HNRNPC: variants seen among roughly 807,000 people sequenced by gnomAD.
HNRNPC encodes the protein heterogeneous nuclear ribonucleoprotein C, also known as heterogeneous nuclear ribonucleoproteins C1/C2.
A neutral mutation model predicts 33.2 loss-of-function variants in HNRNPC; 3 were observed. That is an observed-to-expected ratio of 0.09 (90% CI 0.04 to 0.23). The LOEUF (loss-of-function observed/expected upper bound fraction) is 0.23. Ranked by LOEUF, HNRNPC falls within the 10% of genes least tolerant of loss-of-function variation. The pLI, the probability that HNRNPC is intolerant of heterozygous loss-of-function variation, is 1.00. For missense variants in HNRNPC, 143 were observed against 366.7 expected (o/e 0.39, Z 4.98); for synonymous variants, 121 against 126.7 (o/e 0.96, Z 0.30).
intron 5 of HNRNPC, among the ~76,000 whole-genome samples, chr14:21,226,727 A>G (rs1335041419): frequency 1.3e-5 from 2 of 152,008 alleles, no homozygotes; most frequent in African/African-American, 4.8e-5. Context: ...TGAAAATACA[A>G]AAATTAGTTG....
chr14:21,238,005 A>T (rs751992782), intron 2 of HNRNPC, among the ~76,000 whole-genome samples: 4 of 152,206 alleles, frequency 2.6e-5, no homozygotes, highest in Non-Finnish European at 4.4e-5. Context: ...TTCTGACCTC[A>T]GGTGATCCGC....
chr14:21,238,746 C>T (rs1008489823), intron 2 of HNRNPC, among the ~76,000 whole-genome samples: 2 of 152,066 alleles, frequency 1.3e-5, no homozygotes, highest in Admixed American at 6.6e-5. Flanking sequence ...AGGGATCCTA[C>T]TCTATCACCA....
At chr14:21,225,544 T>G (rs941450762) in intron 5 of HNRNPC, among the ~76,000 whole-genome samples, 1 of 152,138 alleles carries the variant, frequency 6.6e-6, no homozygotes, top group Non-Finnish European at 1.5e-5. Flanking sequence ...GAGAGTTCTT[T>G]TAATTCTAAA....
intron 5 of HNRNPC, 56 bp downstream of exon 5, chr14:21,230,263 C>T (rs1042610451): frequency 1.9e-5 from 24 of 1,272,532 alleles, no homozygotes; most frequent in South Asian, 1.3e-5. Flanking sequence ...ACCAGAAGAA[C>T]GAAATGGTTC....
chr14:21,260,892 G>A (rs1451222194), intron 2 of HNRNPC, among the ~76,000 whole-genome samples: 2 of 151,170 alleles, frequency 1.3e-5, no homozygotes, highest in Non-Finnish European at 2.9e-5. Flanking sequence ...GAACCCGGGA[G>A]GTGGAGGTTG....
intron 2 of HNRNPC, among the ~76,000 whole-genome samples, chr14:21,257,892 C>T (rs1056603516): frequency 3.3e-5 from 5 of 152,148 alleles, no homozygotes; most frequent in African/African-American, 1.2e-4. Flanking sequence ...GCTTGCTTCC[C>T]TATTAACAAT....
In HNRNPC at chr14:21,211,085, A is replaced by G. The variant is rs535711889; in HGVS notation, c.*138T>C. The G allele has an allele frequency of 3.2e-5, 31 of 956,760 alleles. No individual in the cohort carries two copies. The African/African-American group carries it at 3.9e-4, about 12-fold the overall frequency. The allele number at this position is 956,760 out of a possible 1,614,324, so 59.3% of individuals were successfully genotyped here. On this transcript the variant is annotated 3_prime_UTR_variant, in exon 9 of 9. Transcript: ENST00000553300. ...CGCGGGGCAATATGAATTAATGAAC[A>G]TGGGAAGGACAAGGATGGGGAGAAC... is the stretch of plus-strand genomic sequence containing the variant.
intron 2 of HNRNPC, among the ~76,000 whole-genome samples, chr14:21,258,882 T>C (rs146058122): frequency 2.1e-4 from 32 of 152,330 alleles, no homozygotes; most frequent in African/African-American, 7.2e-4. Flanking sequence ...CTTCAAGAGA[T>C]TGAGACAGTG....
At chr14:21,212,219 T>C (rs1891689317) in intron 6 of HNRNPC, among the ~76,000 whole-genome samples, 2 of 151,988 alleles carry the variant, frequency 1.3e-5, no homozygotes, top group African/African-American at 4.8e-5. Context: ...CCTCATGAAA[T>C]CCTCCCACTA....
At chr14:21,252,611 C>A (rs927772910) in intron 2 of HNRNPC, among the ~76,000 whole-genome samples, 1 of 152,086 alleles carries the variant, frequency 6.6e-6, no homozygotes, top group African/African-American at 2.4e-5. Context: ...CCATGCCAGG[C>A]CTCTAAATAT....
rs137997322 is a variant in HNRNPC, at chr14:21,223,678, G to A, written c.365+6641C>T. On this transcript the variant is annotated intron_variant, in intron 5 of 8. Coordinates refer to ENST00000553300, the MANE Select transcript of HNRNPC (RefSeq NM_004500.4). ...GCAGGAGAATTGCTTGAACCCAGGA[G>A]ACAGAGGTTGCCGTGAGCAGTGATG... Among the ~76,000 whole-genome samples, 4 of 152,166 alleles carry A rather than the reference G, an allele frequency of 2.6e-5. No individual in the cohort carries two copies. The South Asian group carries it at 8.3e-4, about 32-fold the overall frequency.
intron 2 of HNRNPC, among the ~76,000 whole-genome samples, chr14:21,245,494 C>A (rs1381188252): frequency 7.0e-6 from 1 of 142,362 alleles, no homozygotes. Context: ...AGACTGTCGC[C>A]AAAAAAAATA....
At chr14:21,245,620 A>C (rs1895897392) in intron 2 of HNRNPC, among the ~76,000 whole-genome samples, 1 of 152,222 alleles carries the variant, frequency 6.6e-6, no homozygotes, top group Non-Finnish European at 1.5e-5. Context: ...TGAAGCCCTA[A>C]GACATTACCA....
At chr14:21,255,111 A>G (rs550172133) in intron 2 of HNRNPC, among the ~76,000 whole-genome samples, 1 of 152,190 alleles carries the variant, frequency 6.6e-6, no homozygotes, top group Non-Finnish European at 1.5e-5. Context: ...ATGCATTATG[A>G]ATAGTTTATC....
intron 5 of HNRNPC, among the ~76,000 whole-genome samples, chr14:21,221,870 AC>A (rs1347774523): frequency 6.6e-6 from 1 of 151,880 alleles, no homozygotes; most frequent in African/African-American, 2.4e-5. Context: ...ACATGGTGAA[AC>A]CACGTCTCTA....
At chr14:21,231,166 G>C in intron 3 of HNRNPC, 94 bp from the exon 4 acceptor site, 1 of 1,255,524 alleles carries the variant, frequency 8.0e-7, no homozygotes, top group Non-Finnish European at 1.1e-6. Flanking sequence ...ACATAGTTTC[G>C]CTTTCTCGCT....
intron 2 of HNRNPC, among the ~76,000 whole-genome samples, chr14:21,249,593 C>CAAAAAAAAAAAAAAA (rs756880620): frequency 2.4e-5 from 2 of 83,452 alleles, no homozygotes; most frequent in Non-Finnish European, 4.6e-5. Flanking sequence ...GTCTCAAAAA[C>CAAAAAAAAAAAAAAA]AAAAAAAAAA....
chr14:21,210,554 T>C lies in HNRNPC; in HGVS notation c.*669A>G, dbSNP rs1184197634. Reference sequence around the variant, plus strand: ...AAAATAAAAAACCAGGGTTTTTTTTTTCTCCAAATTCCTGGTTTAATAAGG... The same window carrying C: ...AAAATAAAAAACCAGGGTTTTTTTTCTCTCCAAATTCCTGGTTTAATAAGG... On this transcript the variant is annotated 3_prime_UTR_variant, in exon 9 of 9. Coordinates refer to ENST00000553300, the MANE Select transcript of HNRNPC (RefSeq NM_004500.4). 1 of 152,552 alleles carries C rather than the reference T, an allele frequency of 6.6e-6. No homozygotes were observed. Among genetic ancestry groups the C allele is most frequent in the Admixed American group, 6.5e-5 (1 of 15,268 alleles). 9.4% of individuals were successfully genotyped at this position (152,552 alleles called of 1,614,324 possible).
chr14:21,216,881 A>G (rs1892251458), intron 5 of HNRNPC, among the ~76,000 whole-genome samples: 1 of 152,174 alleles, frequency 6.6e-6, no homozygotes, highest in African/African-American at 2.4e-5. Context: ...TTAAATAACA[A>G]TATGTCAAAT....
Sources: allele counts gnomAD v4.1 joint callset (sites outside exome capture counted in the v4.1 genomes callset), GRCh38; gene constraint gnomAD v4.1.1; transcripts MANE v1.5; gene names NCBI Gene and HGNC (gene_info 2026-07-23, HGNC 2026-07-21).